The following GYS2 variants were observed in gnomAD, a reference collection of about 807,000 sequenced individuals.
The protein encoded by GYS2 is glycogen [starch] synthase, liver.
GYS2 carries 80 observed loss-of-function variants against 85.6 expected under a neutral mutation model. The ratio of observed to expected loss-of-function variants is 0.93; its 90% confidence interval spans 0.78 to 1.13. GYS2 has a LOEUF of 1.13. Among genes scored for constraint, GYS2 ranks in the 50% most tolerant of loss-of-function variants. The probability of loss-of-function intolerance (pLI) is 0.00; values close to 1 mark genes in which losing one functional copy is unlikely to be tolerated. For missense variants in GYS2, 881 were observed against 854.9 expected, an observed-to-expected ratio of 1.03 and a Z score of -0.38; for synonymous variants, 328 against 300.7, an observed-to-expected ratio of 1.09 and a Z score of -0.94.
At chr12:21,578,482 G>T (rs942708308) in intron 2 of GYS2, among the ~76,000 whole-genome samples, 1 of 152,148 alleles carries the variant, frequency 6.6e-6, no homozygotes, top group Non-Finnish European at 1.5e-5. Context: ...AGTCACAGCC[G>T]TGTGTATTTG....
intron 1 of GYS2, among the ~76,000 whole-genome samples, chr12:21,603,277 T>C (rs185544391): frequency 6.6e-6 from 1 of 152,248 alleles, no homozygotes; most frequent in Admixed American, 6.5e-5. Context: ...CTACAGAGAA[T>C]AAGACCGTGC....
chr12:21,576,153 C>G, intron 2 of GYS2, 96 bp from the exon 3 acceptor site: 1 of 942,444 alleles, frequency 1.1e-6, no homozygotes, highest in Non-Finnish European at 1.7e-6. Context: ...ATGTAGTACT[C>G]AATAGCAAAT....
rs10492118 is a variant in GYS2, at chr12:21,539,024, C to T, written c.1890+234G>A. On this transcript the variant is annotated intron_variant, in intron 15 of 15. Transcript: ENST00000261195. ...AAATGTCCATCAGAACCATTTCAAG[C>T]ATTAAGGCAGAGAAAGTTTTAATTC... 0.24 allele frequency among the ~76,000 whole-genome samples: 36,134 copies of T among 152,014 alleles called. 4,515 individuals are homozygous for T. Among genetic ancestry groups the T allele is most frequent in the Middle Eastern group, 0.37 (107 of 292 alleles).
At chr12:21,551,820 A>G (rs538614978) in intron 11 of GYS2, among the ~76,000 whole-genome samples, 2 of 152,324 alleles carry the variant, frequency 1.3e-5, no homozygotes, top group South Asian at 4.1e-4. Context: ...GCAATCATCA[A>G]ACTGGCAACC....
Position 21,572,229 on chromosome 12 carries a change from G to A in GYS2, c.678+1915C>T. 2.0e-5 allele frequency among the ~76,000 whole-genome samples: 3 copies of A among 152,166 alleles called. No individual in the cohort carries two copies. In the South Asian group the frequency reaches 6.2e-4, roughly 32 times the overall value. On this transcript the variant is annotated intron_variant, in intron 4 of 15. Transcript: ENST00000261195. Reference sequence around the variant, plus strand: ...ACCAGCGTTAGAGTTTTTGTAATTGGCTACTAACAAAAATTGTTTTCAGTT... The same window carrying A: ...ACCAGCGTTAGAGTTTTTGTAATTGACTACTAACAAAAATTGTTTTCAGTT...
At chr12:21,584,465 C>G (rs1041076543) in intron 1 of GYS2, among the ~76,000 whole-genome samples, 1 of 143,044 alleles carries the variant, frequency 7.0e-6, no homozygotes, top group Non-Finnish European at 1.5e-5. Flanking sequence ...AGCCTTTTCC[C>G]AGGCCACTCA....
chr12:21,567,531 GTTT>G (rs76569569), intron 5 of GYS2, among the ~76,000 whole-genome samples: 15 of 128,286 alleles, frequency 1.2e-4, no homozygotes, highest in African/African-American at 1.7e-4. Flanking sequence ...GTTCTATCTT[GTTT>G]TTTTTTTTTT....
chr12:21,564,178 T>TA (rs920236678), intron 5 of GYS2, among the ~76,000 whole-genome samples: 16 of 151,312 alleles, frequency 1.1e-4, no homozygotes, highest in South Asian at 2.1e-4. Context: ...GAAGCTATGT[T>TA]AAAAAAAAAT....
At position 21,559,033 on chromosome 12, in the gene GYS2, A is replaced by C. The variant is rs1329549107; in HGVS notation, c.1308+58T>G. 1.3e-5 allele frequency: 13 copies of C among 987,768 alleles called. No individual in the cohort carries two copies. The African/African-American group carries it at 2.1e-4, about 16-fold the overall frequency. The allele number at this position is 987,768 out of a possible 1,614,324, so 61.2% of individuals were successfully genotyped here. Reference sequence around the variant, plus strand: ...TTAGCACATTCCAATAAATTAAAATACTGATTAGATAGAATTTAATAACTA... The same window carrying C: ...TTAGCACATTCCAATAAATTAAAATCCTGATTAGATAGAATTTAATAACTA... On this transcript the variant is annotated intron_variant, in intron 10 of 15. Coordinates refer to ENST00000261195, the MANE Select transcript of GYS2 (RefSeq NM_021957.4).
At chr12:21,554,724 A>T (rs1487674251) in intron 11 of GYS2, among the ~76,000 whole-genome samples, 3 of 152,208 alleles carry the variant, frequency 2.0e-5, no homozygotes, top group African/African-American at 7.2e-5. Flanking sequence ...ACCCAGAAGA[A>T]TTGTTAGAAT....
chr12:21,562,698 CAA>C lies in GYS2; in HGVS notation c.1062+218_1062+219del, dbSNP rs60049724. 8.8e-3 allele frequency among the ~76,000 whole-genome samples: 863 copies of C among 98,212 alleles called. 3 individuals are homozygous for C. The highest frequency in any genetic ancestry group is 0.013 in the Non-Finnish European group (629 of 48,474). 64.4% of individuals were successfully genotyped at this position (98,212 alleles called of 152,430 possible). ...ATAATGGGATAAGCTTAAGATTCTC[CAA>C]AAAAAAAAAAAAAAAAAAAAAGATG... is the stretch of plus-strand genomic sequence containing the variant. On this transcript the variant is annotated intron_variant, in intron 7 of 15. Transcript: ENST00000261195.
intron 1 of GYS2, among the ~76,000 whole-genome samples, chr12:21,584,209 G>A (rs542924792): frequency 3.3e-5 from 5 of 152,330 alleles, no homozygotes; most frequent in South Asian, 2.1e-4. Flanking sequence ...CCAGATTTGC[G>A]ATTATATACT....
rs570111364 is a variant in GYS2 at position 21,548,635 on chromosome 12, G to T, written c.1423-2165C>A. On this transcript the variant is annotated intron_variant, in intron 11 of 15. Transcript: ENST00000261195. Reference sequence around the variant, plus strand: ...GGCTCTTGTGCACTTGTATGAGCCAGTTCTGGGCCCACACTGGAAACGCAG... The same window carrying T: ...GGCTCTTGTGCACTTGTATGAGCCATTTCTGGGCCCACACTGGAAACGCAG... Among the ~76,000 whole-genome samples the T allele has an allele frequency of 2.3e-3, 357 of 152,240 alleles. 4 individuals are homozygous for T. The highest frequency in any genetic ancestry group is 4.4e-3 in the Non-Finnish European group (302 of 67,984).
chr12:21,602,262 A>T (rs1189515564), intron 1 of GYS2, among the ~76,000 whole-genome samples: 2 of 152,068 alleles, frequency 1.3e-5, no homozygotes, highest in Non-Finnish European at 2.9e-5. Context: ...TAATTCTTAC[A>T]TAATAGTAAA....
intron 4 of GYS2, among the ~76,000 whole-genome samples, chr12:21,570,962 G>T (rs1944378077): frequency 6.6e-6 from 1 of 152,248 alleles, no homozygotes; most frequent in Non-Finnish European, 1.5e-5. Context: ...TTAGAAAAGT[G>T]CCTGGTATAT....
At chr12:21,600,312 G>C (rs1279389135) in intron 1 of GYS2, among the ~76,000 whole-genome samples, 1 of 152,028 alleles carries the variant, frequency 6.6e-6, no homozygotes, top group African/African-American at 2.4e-5. Flanking sequence ...AATTTCTGTA[G>C]AAACAGGGTC....
intron 1 of GYS2, among the ~76,000 whole-genome samples, chr12:21,601,230 A>C (rs1944752824): frequency 1.3e-5 from 2 of 152,032 alleles, no homozygotes; most frequent in Admixed American, 6.6e-5. Context: ...ATCCTGGGTC[A>C]CACCACAGTC....
chr12:21,546,089 A>G (rs951557618), intron 12 of GYS2, among the ~76,000 whole-genome samples: 25 of 152,168 alleles, frequency 1.6e-4, no homozygotes, highest in African/African-American at 6.0e-4. Flanking sequence ...TTGGAATTCA[A>G]TGAGGCAATA....
At chr12:21,550,066 T>G (rs1189251942) in intron 11 of GYS2, among the ~76,000 whole-genome samples, 1 of 152,184 alleles carries the variant, frequency 6.6e-6, no homozygotes, top group Non-Finnish European at 1.5e-5. Flanking sequence ...TGGGAGCTCC[T>G]TCAAGTTTGT....
Sources: allele counts gnomAD v4.1 joint callset (sites outside exome capture counted in the v4.1 genomes callset), GRCh38; gene constraint gnomAD v4.1.1; transcripts MANE v1.5; gene names NCBI Gene and HGNC (gene_info 2026-07-23, HGNC 2026-07-21).